RBFOX3: variants seen among roughly 807,000 people sequenced by gnomAD.
RBFOX3 encodes the protein RNA binding fox-1 homolog 3.
In RBFOX3, 17 loss-of-function variants were observed where a neutral mutation model predicts 48.7. The ratio of observed to expected loss-of-function variants is 0.35; its 90% CI spans 0.24 to 0.52. RBFOX3 has a LOEUF of 0.52. Ranked by LOEUF, RBFOX3 falls within the 20% of genes least tolerant of loss-of-function variation. The pLI, the probability that RBFOX3 is intolerant of heterozygous loss-of-function variation, is 0.94. For missense variants in RBFOX3, 382 were observed against 497.5 expected (o/e 0.77, Z 2.21); for synonymous variants, 212 against 209.5 (o/e 1.01, Z -0.10).
chr17:79,516,431 C>T (rs929413158), intron 1 of RBFOX3, among the ~76,000 whole-genome samples: 1 of 152,234 alleles, frequency 6.6e-6, no homozygotes, highest in African/African-American at 2.4e-5. Context: ...GAGACACAGG[C>T]TCTCACCCCA....
intron 1 of RBFOX3, among the ~76,000 whole-genome samples, chr17:79,501,003 G>A (rs1443024325): frequency 9.2e-5 from 14 of 152,194 alleles, no homozygotes; most frequent in Non-Finnish European, 2.1e-4. Context: ...ACTGCCGAGG[G>A]GAGATTAGGG....
chr17:79,265,191 C>T (rs2066488941), intron 3 of RBFOX3, among the ~76,000 whole-genome samples: 2 of 152,216 alleles, frequency 1.3e-5, no homozygotes, highest in South Asian at 4.1e-4. Flanking sequence ...CTCTCACCAC[C>T]CTTCAGCCTG....
intron 2 of RBFOX3, among the ~76,000 whole-genome samples, chr17:79,313,062 G>A (rs1289136283): frequency 6.6e-6 from 1 of 152,206 alleles, no homozygotes; most frequent in Non-Finnish European, 1.5e-5. Flanking sequence ...CAAACCCAGG[G>A]CATCTGGCTC....
At chr17:79,286,690 G>A (rs2071979872) in intron 3 of RBFOX3, among the ~76,000 whole-genome samples, 1 of 152,182 alleles carries the variant, frequency 6.6e-6, no homozygotes, top group African/African-American at 2.4e-5. Context: ...TGACTTTCTG[G>A]TTCTTCTCCC....
chr17:79,651,612 T>C, the RBFOX3 span, among the ~76,000 whole-genome samples: 11 of 148,024 alleles, frequency 7.4e-5, 1 homozygote, highest in East Asian at 2.2e-3. Context: ...TCCTTTTCTC[T>C]CTTGCCCCCT....
At chr17:79,643,357 T>C in the RBFOX3 span, among the ~76,000 whole-genome samples, 7 of 152,190 alleles carry the variant, frequency 4.6e-5, no homozygotes, top group Admixed American at 2.0e-4. Flanking sequence ...ATAATCATAG[T>C]TGGAAATTCT....
At chr17:79,600,123 G>A (rs1004382148) in intron 1 of RBFOX3, 5 of 152,244 alleles carry the variant, frequency 3.3e-5, no homozygotes, top group Admixed American at 2.0e-4. Context: ...AGGGGCGTGT[G>A]TGTTTAAAGA....
chr17:79,211,283 T>C (rs2058346954), intron 4 of RBFOX3, among the ~76,000 whole-genome samples: 1 of 152,214 alleles, frequency 6.6e-6, no homozygotes, highest in African/African-American at 2.4e-5. Context: ...ATGCTCATTT[T>C]GGCACACGGC....
chr17:79,150,642 C>T (rs537090112), intron 4 of RBFOX3, among the ~76,000 whole-genome samples: 2 of 152,278 alleles, frequency 1.3e-5, no homozygotes, highest in South Asian at 4.1e-4. Context: ...CCTCTGGGGG[C>T]AAGGCCAGGC....
rs531503773 is a variant in RBFOX3 at position 79,111,419 on chromosome 17, AT to A, written c.222+4074del. On this transcript the variant is annotated intron_variant, in intron 5 of 14. Coordinates refer to ENST00000693108, the MANE Select transcript of RBFOX3 (RefSeq NM_001350451.2). The surrounding 1 kb of genome is among the most constrained non-coding windows in gnomAD (Gnocchi z 4.2). ...AGTGACCCTCCGTGCTTTGTCTGGC[AT>A]TTTTTTTATCTGCGTGCTAATCTCT... Among the ~76,000 whole-genome samples the A allele has an allele frequency of 6.6e-6, 1 of 151,828 alleles. No individual in the cohort carries two copies. The highest frequency in any genetic ancestry group is 6.6e-5 in the Admixed American group (1 of 15,258).
At chr17:79,101,687 C>G (rs1392314376) in intron 8 of RBFOX3, 43 bp from the exon 9 acceptor site, 1 of 1,532,638 alleles carries the variant, frequency 6.5e-7, no homozygotes, top group Non-Finnish European at 8.8e-7. Flanking sequence ...GGAGGATTAG[C>G]CTCCTGGAAG....
intron 3 of RBFOX3, among the ~76,000 whole-genome samples, chr17:79,271,126 A>G (rs1248129392): frequency 6.7e-6 from 1 of 150,266 alleles, no homozygotes; most frequent in Non-Finnish European, 1.5e-5. Context: ...CCCAGGCTGG[A>G]GCGCAATGGT....
intron 4 of RBFOX3, among the ~76,000 whole-genome samples, chr17:79,228,278 G>T (rs1321974283): frequency 2.0e-5 from 3 of 152,176 alleles, no homozygotes; most frequent in East Asian, 1.9e-4. Context: ...GGGCGGGGTG[G>T]CCATGAAGCC....
At chr17:79,351,888 T>C (rs1215738958) in intron 2 of RBFOX3, among the ~76,000 whole-genome samples, 1 of 152,202 alleles carries the variant, frequency 6.6e-6, no homozygotes, top group Non-Finnish European at 1.5e-5. Flanking sequence ...ACCCTCACCC[T>C]TGTTTTAAGG....
intron 1 of RBFOX3, among the ~76,000 whole-genome samples, chr17:79,526,000 G>A (rs1422965318): frequency 6.6e-6 from 1 of 152,162 alleles, no homozygotes; most frequent in African/African-American, 2.4e-5. Flanking sequence ...CGGCTCAAAG[G>A]TTTGCCTCCA....
intron 2 of RBFOX3, among the ~76,000 whole-genome samples, chr17:79,453,772 T>A (rs904373228): frequency 6.6e-6 from 1 of 151,930 alleles, no homozygotes; most frequent in Admixed American, 6.6e-5. Flanking sequence ...GGGGGAGAGA[T>A]CTTCTCCCAT....
chr17:79,093,791 C>CA (rs1555681687), intron 14 of RBFOX3, among the ~76,000 whole-genome samples: 37 of 143,822 alleles, frequency 2.6e-4, no homozygotes, highest in African/African-American at 4.4e-4. Flanking sequence ...CAACAGCTGG[C>CA]CACACACACA....
At chr17:79,585,554 T>A (rs1474672145) in intron 1 of RBFOX3, among the ~76,000 whole-genome samples, 2 of 151,914 alleles carry the variant, frequency 1.3e-5, no homozygotes, top group Non-Finnish European at 2.9e-5. Context: ...CGAGACTCCT[T>A]CTCAAAAATA....
rs117218112 is a variant in RBFOX3, at chr17:79,396,779, T to A, written c.-175+85675A>T. Among the ~76,000 whole-genome samples, 116 of 152,252 alleles carry A rather than the reference T, an allele frequency of 7.6e-4. 2 individuals are homozygous for A. In the East Asian group the frequency reaches 0.015, roughly 20 times the overall value. ...CCAGCTACATAATTTGCAGGGACCA[T>A]CCCCTCATTAAAAAGTTGTCCAGAA... On this transcript the variant is annotated intron_variant, in intron 2 of 14. Transcript: ENST00000693108.
Sources: gnomAD v4.1 joint callset for allele counts (sites outside exome capture counted in the v4.1 genomes callset) on GRCh38, gnomAD v4.1.1 for gene constraint, Gnocchi (gnomAD v3.1) non-coding constraint, MANE v1.5 for transcripts, NCBI Gene and HGNC (gene_info 2026-07-23, HGNC 2026-07-21) for gene names.